The following NR2F1-AS1 variants were observed in gnomAD, a reference collection of about 807,000 sequenced individuals.
NR2F1-AS1 encodes NR2F1 antisense RNA 1.
intron 4 of NR2F1-AS1, among the ~76,000 whole-genome samples, chr5:93,530,504 T>C (rs547291574): frequency 1.3e-5 from 2 of 152,250 alleles, no homozygotes; most frequent in South Asian, 4.2e-4. Flanking sequence ...GCCAGCCCCA[T>C]CAGCCTAGTC....
chr5:93,451,917 A>T (rs1335162892), intron 4 of NR2F1-AS1, among the ~76,000 whole-genome samples: 1 of 152,202 alleles, frequency 6.6e-6, no homozygotes, highest in Non-Finnish European at 1.5e-5. Flanking sequence ...GAAGGCAAGG[A>T]CCTCACGGAC....
At chr5:93,448,478 T>C (rs1749763451) in intron 4 of NR2F1-AS1, among the ~76,000 whole-genome samples, 1 of 152,208 alleles carries the variant, frequency 6.6e-6, no homozygotes, top group Admixed American at 6.5e-5. Flanking sequence ...CTAGCCTCAA[T>C]TGTGAGTGGA....
upstream of NR2F1-AS1, chr5:93,583,877 A>C (rs933403119): frequency 4.0e-5 from 6 of 151,874 alleles, no homozygotes; most frequent in African/African-American, 1.5e-4. Flanking sequence ...CGCCGGCGTG[A>C]ATTATCCCGT....
At chr5:93,530,379 A>G (rs975781357) in intron 4 of NR2F1-AS1, among the ~76,000 whole-genome samples, 10 of 152,058 alleles carry the variant, frequency 6.6e-5, no homozygotes, top group African/African-American at 2.4e-4. Flanking sequence ...AGGCTTTTAT[A>G]TATTCATTCT....
At chr5:93,450,352 A>G (rs954407215) in intron 4 of NR2F1-AS1, among the ~76,000 whole-genome samples, 2 of 152,188 alleles carry the variant, frequency 1.3e-5, no homozygotes, top group African/African-American at 4.8e-5. Context: ...GTTGTTGTCC[A>G]AAATACCAAA....
At chr5:93,558,512 G>A (rs1053168409) in intron 2 of NR2F1-AS1, among the ~76,000 whole-genome samples, 1 of 152,012 alleles carries the variant, frequency 6.6e-6, no homozygotes, top group Non-Finnish European at 1.5e-5. Context: ...AGTAGAGACA[G>A]GGTTTCACCA....
chr5:93,501,171 G>C (rs1460593014), intron 4 of NR2F1-AS1, among the ~76,000 whole-genome samples: 1 of 152,122 alleles, frequency 6.6e-6, no homozygotes, highest in Non-Finnish European at 1.5e-5. Flanking sequence ...CTGCATGTAT[G>C]ACAGAAATAG....
At chr5:93,457,512 G>T (rs1749977345) in intron 4 of NR2F1-AS1, among the ~76,000 whole-genome samples, 1 of 152,138 alleles carries the variant, frequency 6.6e-6, no homozygotes, top group Non-Finnish European at 1.5e-5. Context: ...ACAAAATGGA[G>T]TCTCTTATGT....
chr5:93,577,629 C>T (rs949486689), intron 1 of NR2F1-AS1, among the ~76,000 whole-genome samples: 1 of 152,230 alleles, frequency 6.6e-6, no homozygotes, highest in African/African-American at 2.4e-5. Flanking sequence ...ACCCTTTCTT[C>T]CAAAAGATCT....
intron 4 of NR2F1-AS1, among the ~76,000 whole-genome samples, chr5:93,533,215 T>TACA (rs1194599936): frequency 6.6e-6 from 1 of 152,212 alleles, no homozygotes. Context: ...TATTAATGAG[T>TACA]ACAAATGTGG....
At chr5:93,548,455 G>A (rs918092209) in intron 4 of NR2F1-AS1, among the ~76,000 whole-genome samples, 8 of 152,134 alleles carry the variant, frequency 5.3e-5, no homozygotes, top group African/African-American at 1.9e-4. Flanking sequence ...ATGTCAAAAC[G>A]TAGAAAGTAC....
chr5:93,456,787 G>A (rs1749958067), intron 4 of NR2F1-AS1, among the ~76,000 whole-genome samples: 1 of 152,034 alleles, frequency 6.6e-6, no homozygotes. Flanking sequence ...TACCATATCG[G>A]AGAGGGGGAC....
At chr5:93,435,670 G>T (rs1749418988) in intron 4 of NR2F1-AS1, among the ~76,000 whole-genome samples, 1 of 152,132 alleles carries the variant, frequency 6.6e-6, no homozygotes, top group East Asian at 1.9e-4. Context: ...CCCCATCAGG[G>T]CTCGCTCCCC....
At chr5:93,549,217 T>G (rs1434519223) in intron 4 of NR2F1-AS1, among the ~76,000 whole-genome samples, 2 of 152,164 alleles carry the variant, frequency 1.3e-5, no homozygotes, top group Non-Finnish European at 2.9e-5. Context: ...GATAAAAAAT[T>G]GCCATGTTTA....
chr5:93,484,504 A>C (rs1430590851), intron 4 of NR2F1-AS1, among the ~76,000 whole-genome samples: 1 of 152,210 alleles, frequency 6.6e-6, no homozygotes, highest in Non-Finnish European at 1.5e-5. Context: ...AACTTACCAA[A>C]TGGTAAAGAC....
chr5:93,570,575 T>C (rs544244959), intron 1 of NR2F1-AS1: 1 of 151,686 alleles, frequency 6.6e-6, no homozygotes, highest in Non-Finnish European at 1.5e-5. Context: ...AACCGGGCCG[T>C]GGGCCTGGGG....
At chr5:93,554,343 GA>G (rs1752300347) in intron 3 of NR2F1-AS1, among the ~76,000 whole-genome samples, 1 of 151,990 alleles carries the variant, frequency 6.6e-6, no homozygotes, top group South Asian at 2.1e-4. Flanking sequence ...CTAGAATTCT[GA>G]AAAACACTTC....
At chr5:93,502,156 CAT>C (rs543788194) in intron 4 of NR2F1-AS1, among the ~76,000 whole-genome samples, 2 of 152,208 alleles carry the variant, frequency 1.3e-5, no homozygotes, top group South Asian at 4.2e-4. Flanking sequence ...ATAGTGTAAA[CAT>C]AACTTTTATA....
At chr5:93,416,185 CA>C (rs1270739682) in intron 4 of NR2F1-AS1, among the ~76,000 whole-genome samples, 4 of 152,178 alleles carry the variant, frequency 2.6e-5, no homozygotes, top group African/African-American at 9.7e-5. Context: ...CTTTCTCTCC[CA>C]ATGAATGGAA....
Sources: gnomAD v4.1 joint callset for allele counts (sites outside exome capture counted in the v4.1 genomes callset) on GRCh38, gnomAD v4.1.1 for gene constraint, MANE v1.5 for transcripts, NCBI Gene and HGNC (gene_info 2026-07-23, HGNC 2026-07-21) for gene names.